The following FBXO47 variants were observed in gnomAD, a reference collection of about 807,000 sequenced individuals.
FBXO47 encodes the protein F-box only protein 47.
Under a neutral mutation model 53.9 loss-of-function variants are expected in FBXO47, and 34 were observed. That is an observed-to-expected ratio of 0.63 (90% CI 0.48 to 0.84). FBXO47 has a LOEUF of 0.84. Among genes scored for constraint, FBXO47 ranks in the 40% least tolerant of loss-of-function variants. The pLI is 0.00. For missense variants in FBXO47, 485 were observed against 541.3 expected, an observed-to-expected ratio of 0.90 and a Z score of 1.03; for synonymous variants, 165 against 181.6, an observed-to-expected ratio of 0.91 and a Z score of 0.73.
intron 9 of FBXO47, among the ~76,000 whole-genome samples, chr17:38,941,642 A>ATATATATATATATATATATG (rs924192946): frequency 8.3e-5 from 12 of 144,216 alleles, no homozygotes; most frequent in African/African-American, 3.1e-4. Flanking sequence ...ATATATATAT[A>ATATATATATATATATATATG]TATGTATGTG....
chr17:38,946,285 TAAATATATAA>T (rs1293003541), intron 6 of FBXO47, among the ~76,000 whole-genome samples: 21 of 86,716 alleles, frequency 2.4e-4, no homozygotes, highest in Non-Finnish European at 3.6e-4. Flanking sequence ...AAAATATATA[TAAATATATAA>T]AAATATATAT....
chr17:38,964,870 T>C (rs1214129273), intron 1 of FBXO47, among the ~76,000 whole-genome samples: 1 of 152,108 alleles, frequency 6.6e-6, no homozygotes, highest in African/African-American at 2.4e-5. Flanking sequence ...TGGAGTGCAG[T>C]GGCATGACGC....
intron 9 of FBXO47, among the ~76,000 whole-genome samples, chr17:38,940,557 C>G (rs1904459335): frequency 6.6e-6 from 1 of 151,958 alleles, no homozygotes; most frequent in Non-Finnish European, 1.5e-5. Context: ...TTCTACCCTT[C>G]AGAAATCATA....
At chr17:38,962,625 A>G (rs892201003) in intron 2 of FBXO47, among the ~76,000 whole-genome samples, 1 of 148,188 alleles carries the variant, frequency 6.7e-6, no homozygotes, top group Middle Eastern at 3.6e-3. Flanking sequence ...AATAATAATA[A>G]TAATAATAAT....
In FBXO47 at chr17:38,961,744, A is replaced by G. The variant is rs564936944; in HGVS notation, c.352+133T>C. On this transcript the variant is annotated intron_variant, in intron 3 of 10. Transcript: ENST00000378079. Reference sequence around the variant, plus strand: ...TTAAGGGAGTGTTCTCACACTAAAGAGTAAAAACATCATAGAAACAGGCAT... The same window carrying G: ...TTAAGGGAGTGTTCTCACACTAAAGGGTAAAAACATCATAGAAACAGGCAT... 1.2e-4 allele frequency: 87 copies of G among 732,218 alleles called. 1 individual carries two copies. The highest frequency in any genetic ancestry group is 8.1e-4 in the South Asian group (45 of 55,572). The allele number at this position is 732,218 out of a possible 1,614,324, so 45.4% of individuals were successfully genotyped here. A position where few individuals can be genotyped will look rare whatever the true frequency, so the allele number is the denominator to read the frequency against.
intron 6 of FBXO47, among the ~76,000 whole-genome samples, chr17:38,947,359 C>G (rs1450610607): frequency 6.6e-6 from 1 of 151,924 alleles, no homozygotes; most frequent in Non-Finnish European, 1.5e-5. Flanking sequence ...GGGTCTTGCT[C>G]TGTCACCCAA....
intron 6 of FBXO47, among the ~76,000 whole-genome samples, chr17:38,946,100 T>A (rs974718504): frequency 8.5e-6 from 1 of 117,784 alleles, no homozygotes; most frequent in East Asian, 2.7e-4. Flanking sequence ...AAATATATAT[T>A]TATATATAAA....
chr17:38,961,739 T>C, intron 3 of FBXO47, 138 bp downstream of exon 3: 3 of 717,894 alleles, frequency 4.2e-6, no homozygotes, highest in Non-Finnish European at 4.6e-6. Flanking sequence ...GTTCTCACAC[T>C]AAAGAGTAAA....
At chr17:38,943,447 G>A (rs1209298868) in intron 8 of FBXO47, 143 bp downstream of exon 8, 1 of 501,778 alleles carries the variant, frequency 2.0e-6, no homozygotes, top group Non-Finnish European at 3.3e-6. Flanking sequence ...CAAACATAAT[G>A]CCAAACTCTT....
At position 38,963,804 on chromosome 17, in the gene FBXO47, T is replaced by TTG. The variant is rs1555562673; in HGVS notation, c.-26-754_-26-753insCA. Among the ~76,000 whole-genome samples the TTG allele has an allele frequency of 3.0e-5, 4 of 135,222 alleles. No homozygotes were observed. The East Asian group carries it at 9.8e-4, about 33-fold the overall frequency. The allele number at this position is 135,222 out of a possible 152,430, so 88.7% of individuals were successfully genotyped here. ...GTTGTTGTTGTTGTTGTTTTGTTGTTTTTTTTTTTTTTGTCAAGGTCTTGC... is the reference window on the plus strand; with the variant it reads ...GTTGTTGTTGTTGTTGTTTTGTTGTTTGTTTTTTTTTTTTGTCAAGGTCTTGC... On this transcript the variant is annotated intron_variant, in intron 1 of 10. Coordinates refer to ENST00000378079, the MANE Select transcript of FBXO47 (RefSeq NM_001008777.3).
chr17:38,955,632 G>T (rs1195129072), intron 4 of FBXO47, among the ~76,000 whole-genome samples: 2 of 151,218 alleles, frequency 1.3e-5, no homozygotes, highest in Non-Finnish European at 2.9e-5. Flanking sequence ...TAGAGACGGG[G>T]TTTCACCATG....
At chr17:38,943,085 A>T (rs1253896091) in intron 8 of FBXO47, among the ~76,000 whole-genome samples, 165 bp from the exon 9 acceptor site, 1 of 152,216 alleles carries the variant, frequency 6.6e-6, no homozygotes, top group Non-Finnish European at 1.5e-5. Flanking sequence ...ATTCAGTCAG[A>T]GACAGGTTAT....
intron 9 of FBXO47, 128 bp downstream of exon 9, chr17:38,942,649 TA>T: frequency 1.7e-6 from 1 of 593,006 alleles, no homozygotes; most frequent in South Asian, 3.0e-5. Flanking sequence ...AAAGAAACAT[TA>T]AAAATATATA....
intron 6 of FBXO47, among the ~76,000 whole-genome samples, chr17:38,946,001 A>G: frequency 7.3e-6 from 1 of 137,074 alleles, no homozygotes; most frequent in South Asian, 2.2e-4. Context: ...ATAAATATAT[A>G]TAAATACATA....
At chr17:38,944,552 A>G (rs1164837408) in intron 7 of FBXO47, among the ~76,000 whole-genome samples, 1 of 151,766 alleles carries the variant, frequency 6.6e-6, no homozygotes, top group South Asian at 2.1e-4. Context: ...AATACAAAAA[A>G]TTAGCCAGGC....
intron 6 of FBXO47, among the ~76,000 whole-genome samples, chr17:38,947,049 A>T (rs56289645): frequency 0.4 from 53,363 of 133,486 alleles, 11,152 homozygotes; most frequent in African/African-American, 0.49. Flanking sequence ...TAAATATATA[A>T]AAACATATAT....
intron 6 of FBXO47, among the ~76,000 whole-genome samples, chr17:38,947,934 T>A (rs1905021451): frequency 6.6e-6 from 1 of 151,866 alleles, no homozygotes; most frequent in Admixed American, 6.6e-5. Flanking sequence ...AATAAAAAAT[T>A]AGATTAACAT....
chr17:38,967,030 A>T (rs1474433599), intron 1 of FBXO47, among the ~76,000 whole-genome samples, 199 bp downstream of exon 1: 1 of 151,814 alleles, frequency 6.6e-6, no homozygotes, highest in Non-Finnish European at 1.5e-5. Flanking sequence ...CTGTTTTAAC[A>T]TAAAACTCTT....
intron 6 of FBXO47, among the ~76,000 whole-genome samples, chr17:38,950,389 G>GT (rs528716557): frequency 2.6e-4 from 38 of 144,648 alleles, no homozygotes; most frequent in African/African-American, 7.9e-4. Flanking sequence ...TGTTTGTTTT[G>GT]TTTTTTTTTC....
Sources: gnomAD v4.1 joint callset for allele counts (sites outside exome capture counted in the v4.1 genomes callset) on GRCh38, gnomAD v4.1.1 for gene constraint, MANE v1.5 for transcripts, NCBI Gene and HGNC (gene_info 2026-07-23, HGNC 2026-07-21) for gene names.